Variants in DNAI4 observed in about 807,000 individuals in gnomAD.
DNAI4 encodes the protein WD repeat domain 78.
In DNAI4, 85 loss-of-function variants were observed where a neutral mutation model predicts 105.8. The observed-to-expected ratio is 0.80, with a 90% CI of 0.67 to 0.96. The LOEUF is 0.96. DNAI4 is among the 40% of genes least tolerant of loss of function. DNAI4 has a pLI of 0.00. For missense variants in DNAI4, 1,014 were observed against 1,005.6 expected (o/e 1.01, Z -0.11); for synonymous variants, 352 against 331.5 (o/e 1.06, Z -0.67).
intron 3 of DNAI4, among the ~76,000 whole-genome samples, 166 bp downstream of exon 3, chr1:66,893,063 G>GAGAA (rs768595484): frequency 0.18 from 16,104 of 89,188 alleles, 1,786 homozygotes; most frequent in Admixed American, 0.23. Context: ...AAGAGAGAGA[G>GAGAA]AGAAAGAAAG....
At chr1:66,864,439 G>T (rs1646689319) in intron 6 of DNAI4, among the ~76,000 whole-genome samples, 1 of 152,096 alleles carries the variant, frequency 6.6e-6, no homozygotes, top group African/African-American at 2.4e-5. Flanking sequence ...TGTTTAAATA[G>T]TTGCTAAAAG....
chr1:66,906,270 T>C (rs1432982142), intron 1 of DNAI4, among the ~76,000 whole-genome samples: 1 of 152,126 alleles, frequency 6.6e-6, no homozygotes, highest in African/African-American at 2.4e-5. Context: ...TGAAAAAATA[T>C]TTTTTCACTT....
At chr1:66,847,119 A>C (rs1646293150) in intron 8 of DNAI4, among the ~76,000 whole-genome samples, 1 of 152,170 alleles carries the variant, frequency 6.6e-6, no homozygotes, top group South Asian at 2.1e-4. Flanking sequence ...ATCTAAGACA[A>C]TCTGCTTCTG....
intron 15 of DNAI4, 89 bp downstream of exon 15, chr1:66,826,731 A>G: frequency 8.8e-7 from 1 of 1,138,452 alleles, no homozygotes; most frequent in South Asian, 1.5e-5. Context: ...AAGTAACTAC[A>G]ATACCCTCTA....
intron 15 of DNAI4, among the ~76,000 whole-genome samples, chr1:66,823,037 T>C (rs967796331): frequency 6.6e-6 from 1 of 152,016 alleles, no homozygotes; most frequent in Admixed American, 6.6e-5. Flanking sequence ...TAAGTGTATC[T>C]CCCAATGCTA....
At chr1:66,851,648 CACTT>C (rs1646398862) in intron 7 of DNAI4, among the ~76,000 whole-genome samples, 1 of 151,724 alleles carries the variant, frequency 6.6e-6, no homozygotes, top group African/African-American at 2.4e-5. Context: ...GATCTCCAAA[CACTT>C]AGAATCTTAA....
intron 1 of DNAI4, among the ~76,000 whole-genome samples, chr1:66,910,787 T>C (rs3008893): frequency 0.079 from 12,048 of 152,302 alleles, 611 homozygotes; most frequent in African/African-American, 0.15. Flanking sequence ...CTAAGTTCCA[T>C]GAGGGTAGGA....
Position 66,893,045 on chromosome 1 carries a change from AAG to A in DNAI4, c.530+182_530+183del, listed in dbSNP as rs1647889509. Among the ~76,000 whole-genome samples, 12 of 124,792 alleles carry A rather than the reference AAG, an allele frequency of 9.6e-5. No homozygotes were observed. The South Asian group carries it at 3.0e-3, about 31-fold the overall frequency. 81.9% of individuals were successfully genotyped at this position (124,792 alleles called of 152,430 possible). A position where few individuals can be genotyped will look rare whatever the true frequency, so the allele number is the denominator to read the frequency against. On this transcript the variant is annotated intron_variant, in intron 3 of 16. Coordinates refer to ENST00000371026, the MANE Select transcript of DNAI4 (RefSeq NM_024763.5). ...AAGAAAGAAAGAGAGGAAAGAAAGA[AAG>A]AAAGAAAGAGAGAGAGAGAAAGAAA...
At position 66,893,246 on chromosome 1, in the gene DNAI4, C is replaced by A; in HGVS notation, c.513G>T (p.Thr171=). The A allele has an allele frequency of 6.3e-7, 1 of 1,582,862 alleles. No individual in the cohort carries two copies. Among genetic ancestry groups the A allele is most frequent in the Non-Finnish European group, 8.6e-7 (1 of 1,164,938 alleles). ...SLYQNTINPS[T]LGQFTRSVLG... ...TACTCTACCTTGTAAACTGCCCTAACGTACTAGGATTTATTGTATTCTGAT... is the reference window on the plus strand; with the variant it reads ...TACTCTACCTTGTAAACTGCCCTAAAGTACTAGGATTTATTGTATTCTGAT... Residue 171 remains threonine (T), a synonymous_variant, in exon 3 of 17, where the codon ACG becomes ACT. Coordinates refer to ENST00000371026, the MANE Select transcript of DNAI4 (RefSeq NM_024763.5).
intron 8 of DNAI4, among the ~76,000 whole-genome samples, chr1:66,843,223 G>T (rs1379487771): frequency 2.5e-5 from 2 of 79,202 alleles, no homozygotes; most frequent in Non-Finnish European, 5.5e-5. Flanking sequence ...GGTGGGGGGT[G>T]GGGGGGAGGA....
intron 13 of DNAI4, among the ~76,000 whole-genome samples, chr1:66,830,549 G>C (rs1645843948): frequency 6.6e-6 from 1 of 152,040 alleles, no homozygotes; most frequent in African/African-American, 2.4e-5. Flanking sequence ...GGCCAAGGCA[G>C]AAGGATCACT....
intron 1 of DNAI4, among the ~76,000 whole-genome samples, chr1:66,921,842 C>T (rs950381846): frequency 6.6e-6 from 1 of 151,526 alleles, no homozygotes; most frequent in African/African-American, 2.4e-5. Context: ...TTTTGGAGTA[C>T]TATCCTTAGG....
At chr1:66,849,401 A>G (rs1043396017) in intron 7 of DNAI4, among the ~76,000 whole-genome samples, 3 of 152,110 alleles carry the variant, frequency 2.0e-5, no homozygotes, top group Non-Finnish European at 4.4e-5. Flanking sequence ...TCAGGCAGTG[A>G]CTCCCACTTT....
At chr1:66,840,779 A>G in intron 8 of DNAI4, 108 bp from the exon 9 acceptor site, 1 of 1,146,946 alleles carries the variant, frequency 8.7e-7, no homozygotes, top group South Asian at 1.4e-5. Flanking sequence ...GCACCATCAG[A>G]TCTGCTGGAT....
intron 5 of DNAI4, among the ~76,000 whole-genome samples, chr1:66,874,139 G>C (rs1244608388): frequency 6.6e-6 from 1 of 151,782 alleles, no homozygotes; most frequent in African/African-American, 2.4e-5. Flanking sequence ...AGCGGAACAA[G>C]AAAAATTATT....
chr1:66,917,775 T>G (rs532064966), intron 1 of DNAI4, among the ~76,000 whole-genome samples: 1 of 152,240 alleles, frequency 6.6e-6, no homozygotes. Context: ...TTTGCACAAG[T>G]GCAATAAGAA....
chr1:66,831,014 T>C (rs569572509), intron 13 of DNAI4, among the ~76,000 whole-genome samples: 1 of 147,754 alleles, frequency 6.8e-6, no homozygotes, highest in Admixed American at 6.8e-5. Flanking sequence ...GAGATTACTA[T>C]ATATTCCACA....
chr1:66,825,162 CTGTCT>C (rs1557897011), intron 15 of DNAI4, among the ~76,000 whole-genome samples: 1 of 145,286 alleles, frequency 6.9e-6, no homozygotes, highest in African/African-American at 2.5e-5. Flanking sequence ...TAAATAATAA[CTGTCT>C]TTTTTTTTTT....
intron 8 of DNAI4, among the ~76,000 whole-genome samples, chr1:66,844,284 G>C (rs1646222992): frequency 2.0e-5 from 3 of 152,068 alleles, no homozygotes; most frequent in Non-Finnish European, 2.9e-5. Context: ...AATAGGCCTG[G>C]GCGCAGTGGC....
Sources: gnomAD v4.1 joint callset for allele counts (sites outside exome capture counted in the v4.1 genomes callset) on GRCh38, gnomAD v4.1.1 for gene constraint, MANE v1.5 for transcripts, NCBI Gene and HGNC (gene_info 2026-07-23, HGNC 2026-07-21) for gene names.